TSPAN9: variants seen among roughly 807,000 people sequenced by gnomAD.
TSPAN9 encodes tetraspanin 9.
Under a neutral mutation model 31.0 loss-of-function variants are expected in TSPAN9, and 16 were observed. The ratio of observed to expected loss-of-function variants is 0.52; its 90% CI spans 0.35 to 0.78. The LOEUF is 0.78. Ranked by LOEUF, TSPAN9 falls within the 30% of genes least tolerant of loss-of-function variation. TSPAN9 has a pLI of 0.01. For synonymous variants in TSPAN9, 145 were observed against 121.6 expected, an observed-to-expected ratio of 1.19 and a Z score of -1.27; for missense variants, 272 against 312.5, an observed-to-expected ratio of 0.87 and a Z score of 0.98.
At chr12:3,276,095 G>A (rs1032268358) in intron 3 of TSPAN9, among the ~76,000 whole-genome samples, 6 of 152,174 alleles carry the variant, frequency 3.9e-5, no homozygotes, top group African/African-American at 1.4e-4. Context: ...TCGCAATTAG[G>A]CAGGGTAGGG....
chr12:3,088,249 C>T (rs1591621176), intron 2 of TSPAN9, among the ~76,000 whole-genome samples: 1 of 152,336 alleles, frequency 6.6e-6, no homozygotes, highest in South Asian at 2.1e-4. Flanking sequence ...TTGCAAAGAC[C>T]TGAGTGAGGA....
At chr12:3,198,621 G>A (rs2098368874) in intron 2 of TSPAN9, among the ~76,000 whole-genome samples, 1 of 97,246 alleles carries the variant, frequency 1.0e-5, no homozygotes, top group Non-Finnish European at 2.1e-5. Context: ...GTCACCACCA[G>A]CACAGGCCAC....
At chr12:3,272,637 C>T (rs1403199120) in intron 3 of TSPAN9, among the ~76,000 whole-genome samples, 1 of 152,020 alleles carries the variant, frequency 6.6e-6, no homozygotes, top group East Asian at 1.9e-4. Context: ...GCTGTGGGCC[C>T]GGCGCTGGCA....
chr12:3,283,010 A>C, intron 8 of TSPAN9, 35 bp from the exon 9 acceptor site: 1 of 1,602,974 alleles, frequency 6.2e-7, no homozygotes, highest in Middle Eastern at 1.7e-4. Flanking sequence ...AGGCTGCTGC[A>C]GCTCCTGCCT....
chr12:3,181,851 T>A (rs2098358741), intron 2 of TSPAN9, among the ~76,000 whole-genome samples: 1 of 152,160 alleles, frequency 6.6e-6, no homozygotes, highest in Non-Finnish European at 1.5e-5. Flanking sequence ...CTTTGCTGTA[T>A]CTGACAGGCC....
rs945640675 is a variant in TSPAN9 at position 3,192,206 on chromosome 12, G to A, written c.-17-8971G>A. Among the ~76,000 whole-genome samples the A allele has an allele frequency of 3.3e-5, 5 of 152,188 alleles. No individual in the cohort carries two copies. Among genetic ancestry groups the A allele is most frequent in the Non-Finnish European group, 7.3e-5 (5 of 68,036 alleles). ...GGACTGTACTAGAAAAGTAGACTAG[G>A]AAACACACAGGCACACACACAATTG... On this transcript the variant is annotated intron_variant, in intron 2 of 8. Transcript: ENST00000011898. The surrounding 1 kb of genome is among the most constrained non-coding windows in gnomAD (Gnocchi z 4.6).
At chr12:3,153,610 G>C (rs2098340893) in intron 2 of TSPAN9, among the ~76,000 whole-genome samples, 1 of 152,116 alleles carries the variant, frequency 6.6e-6, no homozygotes, top group African/African-American at 2.4e-5. Context: ...TTTTCCTACT[G>C]TTGAATGTTT....
At chr12:3,241,334 GTGGCATTTATATACTA>G (rs2098396452) in intron 3 of TSPAN9, among the ~76,000 whole-genome samples, 1 of 152,160 alleles carries the variant, frequency 6.6e-6, no homozygotes, top group Admixed American at 6.5e-5. Context: ...ACACTGTGGC[GTGGCATTTATATACTA>G]TGTATTATAG....
In TSPAN9 at chr12:3,227,470, A is replaced by G. The variant is rs144527010; in HGVS notation, c.63+26214A>G. Among the ~76,000 whole-genome samples the G allele has an allele frequency of 1.3e-3, 202 of 152,276 alleles. No homozygotes were observed. The Middle Eastern group carries it at 0.014, about 10-fold the overall frequency. On this transcript the variant is annotated intron_variant, in intron 3 of 8. Transcript: ENST00000011898. ...CTAAGGTCAGACGCCTGAAGGGACA[A>G]AGCTGTTTTTAGTGGGGAGACTCCC...
chr12:3,125,320 C>T (rs563873005), intron 2 of TSPAN9, among the ~76,000 whole-genome samples: 18 of 152,014 alleles, frequency 1.2e-4, no homozygotes, highest in Non-Finnish European at 8.8e-5. Flanking sequence ...TGTTTTGCTG[C>T]GTGCTCAGCA....
intron 3 of TSPAN9, among the ~76,000 whole-genome samples, chr12:3,246,767 C>T (rs976563782): frequency 6.6e-6 from 1 of 152,220 alleles, no homozygotes; most frequent in African/African-American, 2.4e-5. Flanking sequence ...CAGCTCCGCT[C>T]TCTGAATACC....
chr12:3,129,965 C>T (rs2098329053), intron 2 of TSPAN9, among the ~76,000 whole-genome samples: 1 of 152,178 alleles, frequency 6.6e-6, no homozygotes, highest in Admixed American at 6.5e-5. Flanking sequence ...CTTGGAGGTG[C>T]CCAGGCCCCT....
chr12:3,121,688 T>G (rs1205007426), intron 2 of TSPAN9, among the ~76,000 whole-genome samples: 1 of 151,986 alleles, frequency 6.6e-6, no homozygotes, highest in Non-Finnish European at 1.5e-5. Context: ...GATGTTGGCT[T>G]TTTAAAGTTG....
chr12:3,245,357 C>T (rs1484385606), intron 3 of TSPAN9, among the ~76,000 whole-genome samples: 3 of 152,208 alleles, frequency 2.0e-5, no homozygotes, highest in African/African-American at 7.2e-5. Context: ...TGGGTCTCCA[C>T]CCTGACCATG....
intron 2 of TSPAN9, chr12:3,200,690 C>G (rs919324507): frequency 6.6e-6 from 1 of 152,184 alleles, no homozygotes; most frequent in South Asian, 2.1e-4. Context: ...GCGCAGAGAG[C>G]CGCGCCGCGC....
At chr12:3,114,250 C>T (rs376244431) in intron 2 of TSPAN9, among the ~76,000 whole-genome samples, 54 of 152,300 alleles carry the variant, frequency 3.5e-4, no homozygotes, top group African/African-American at 1.1e-3. Context: ...AATGTATTTA[C>T]GGACATTGAA....
chr12:3,138,824 T>A (rs1228637258), intron 2 of TSPAN9, among the ~76,000 whole-genome samples: 2 of 152,120 alleles, frequency 1.3e-5, no homozygotes, highest in African/African-American at 4.8e-5. Flanking sequence ...TTCCCTTTGC[T>A]TGGCTTTCTT....
chr12:3,229,342 C>T (rs2098389468), intron 3 of TSPAN9, among the ~76,000 whole-genome samples: 2 of 152,210 alleles, frequency 1.3e-5, no homozygotes, highest in Non-Finnish European at 2.9e-5. Context: ...GTCTCGTGGC[C>T]TGGCCTTCGA....
At position 3,172,708 on chromosome 12, in the gene TSPAN9, G is replaced by C. The variant is rs1442687951; in HGVS notation, c.-17-28469G>C. The C allele has an allele frequency of 6.6e-6, 1 of 152,254 alleles. No individual in the cohort carries two copies. Among genetic ancestry groups the C allele is most frequent in the African/African-American group, 2.4e-5 (1 of 41,446 alleles). 9.4% of individuals were successfully genotyped at this position (152,254 alleles called of 1,614,324 possible). Reference sequence around the variant, plus strand: ...TGGGCCAGTTCGTTGACCAGCTCTTGTACTAGATCCATCAGCAATGTCGCT... The same window carrying C: ...TGGGCCAGTTCGTTGACCAGCTCTTCTACTAGATCCATCAGCAATGTCGCT... On this transcript the variant is annotated intron_variant, in intron 2 of 8. Transcript: ENST00000011898. This position sits in a 1 kb window ranked among gnomAD's most constrained non-coding sequence, Gnocchi z 4.8.
Sources: gnomAD v4.1 joint callset for allele counts (sites outside exome capture counted in the v4.1 genomes callset) on GRCh38, gnomAD v4.1.1 for gene constraint, Gnocchi (gnomAD v3.1) non-coding constraint, MANE v1.5 for transcripts, NCBI Gene and HGNC (gene_info 2026-07-23, HGNC 2026-07-21) for gene names.